The following CAMK4 variants were observed in gnomAD, a reference collection of about 807,000 sequenced individuals.
CAMK4 encodes the protein calcium/calmodulin dependent protein kinase IV.
Under a neutral mutation model 44.9 loss-of-function variants are expected in CAMK4, and 22 were observed. The ratio of observed to expected loss-of-function variants is 0.49; its 90% CI spans 0.35 to 0.70. CAMK4 has a LOEUF of 0.70. CAMK4 is among the 30% of genes least tolerant of loss of function. The probability of loss-of-function intolerance (pLI) is 0.01; values close to 1 mark genes in which losing one functional copy is unlikely to be tolerated. For synonymous variants in CAMK4, 218 were observed against 215.4 expected (o/e 1.01, Z -0.11); for missense variants, 498 against 586.8 (o/e 0.85, Z 1.56).
rs776856329 is a variant in CAMK4, at chr5:111,482,757, C to G, written c.829-28C>G. The G allele has an allele frequency of 6.3e-6, 10 of 1,584,330 alleles. No homozygotes were observed. The South Asian group carries it at 8.1e-5, about 13-fold the overall frequency. ...AGCCCAGGTCATCCTAAAAACCTCG[C>G]TAAGTTTATGGTTCTTTATTATTTC... is the stretch of plus-strand genomic sequence containing the variant. On this transcript the variant is annotated intron_variant, in intron 9 of 10. Coordinates refer to ENST00000282356, the MANE Select transcript of CAMK4 (RefSeq NM_001744.6). The surrounding 1 kb of genome is among the most constrained non-coding windows in gnomAD (Gnocchi z 4.9).
rs181570897 is a variant in CAMK4 at position 111,334,246 on chromosome 5, C to T, written c.162-9778C>T. 1.4e-3 allele frequency among the ~76,000 whole-genome samples: 217 copies of T among 151,678 alleles called. 1 individual carries two copies. Among genetic ancestry groups the T allele is most frequent in the African/African-American group, 4.3e-3 (178 of 41,458 alleles). On this transcript the variant is annotated intron_variant, in intron 1 of 10. Transcript: ENST00000282356. ...AATTCTAAAGGTTAGCCATTCTTCA[C>T]GTTGTAGACTGAAAATGTCAAATCA...
At chr5:111,465,838 T>C (rs562753256) in intron 7 of CAMK4, among the ~76,000 whole-genome samples, 128 of 152,306 alleles carry the variant, frequency 8.4e-4, no homozygotes, top group African/African-American at 2.9e-3. Context: ...GAATCCTCCC[T>C]AAATCATTCT....
At chr5:111,420,780 G>A (rs1041898513) in intron 5 of CAMK4, among the ~76,000 whole-genome samples, 10 of 152,152 alleles carry the variant, frequency 6.6e-5, no homozygotes, top group South Asian at 2.1e-4. Flanking sequence ...GCTCTGTTCC[G>A]CCCAGCTCAC....
chr5:111,479,498 T>C (rs1755358520), intron 9 of CAMK4, among the ~76,000 whole-genome samples: 1 of 152,158 alleles, frequency 6.6e-6, no homozygotes, highest in Admixed American at 6.5e-5. Context: ...AAAAGCTGAC[T>C]TTTGAATCAT....
chr5:111,273,656 C>A (rs558476257), intron 1 of CAMK4, among the ~76,000 whole-genome samples: 1 of 121,608 alleles, frequency 8.2e-6, no homozygotes, highest in East Asian at 2.6e-4. Flanking sequence ...AAATGTTATC[C>A]GTCAGCTTTA....
intron 4 of CAMK4, among the ~76,000 whole-genome samples, chr5:111,393,292 A>G (rs1751876672): frequency 6.6e-6 from 1 of 152,178 alleles, no homozygotes; most frequent in Non-Finnish European, 1.5e-5. Flanking sequence ...CGTATTTGCT[A>G]AAAATTCAAC....
intron 2 of CAMK4, among the ~76,000 whole-genome samples, chr5:111,351,186 T>C (rs761702642): frequency 6.6e-6 from 1 of 152,136 alleles, no homozygotes; most frequent in Non-Finnish European, 1.5e-5. Context: ...CTTTTACATC[T>C]CATGTCAACT....
chr5:111,388,547 T>C (rs1751686438), intron 4 of CAMK4, among the ~76,000 whole-genome samples: 1 of 152,162 alleles, frequency 6.6e-6, no homozygotes, highest in South Asian at 2.1e-4. Flanking sequence ...GAGATATAGC[T>C]ATTTCTGGAA....
At chr5:111,402,175 C>T (rs935921645) in intron 5 of CAMK4, among the ~76,000 whole-genome samples, 7 of 152,230 alleles carry the variant, frequency 4.6e-5, no homozygotes, top group African/African-American at 1.7e-4. Flanking sequence ...ACTCTCTCTC[C>T]CTCATGCCCT....
At chr5:111,364,697 C>T (rs752395692) in intron 2 of CAMK4, among the ~76,000 whole-genome samples, 1 of 152,052 alleles carries the variant, frequency 6.6e-6, no homozygotes, top group Non-Finnish European at 1.5e-5. Flanking sequence ...GCTTCCTCCT[C>T]TATTGGAAAT....
At chr5:111,406,590 A>G (rs1357172669) in intron 5 of CAMK4, among the ~76,000 whole-genome samples, 2 of 152,122 alleles carry the variant, frequency 1.3e-5, no homozygotes, top group African/African-American at 4.8e-5. Flanking sequence ...TAATTAAAGA[A>G]CAATAAAAAT....
chr5:111,293,803 T>C (rs1747375184), intron 1 of CAMK4, among the ~76,000 whole-genome samples: 2 of 136,832 alleles, frequency 1.5e-5, no homozygotes, highest in African/African-American at 5.7e-5. Context: ...CTGGAGTGCA[T>C]TGGCACGATC....
At chr5:111,414,486 T>C (rs1290311205) in intron 5 of CAMK4, among the ~76,000 whole-genome samples, 1 of 152,116 alleles carries the variant, frequency 6.6e-6, no homozygotes, top group Non-Finnish European at 1.5e-5. Context: ...TTCAGTAATA[T>C]CAAAGATACG....
intron 1 of CAMK4, among the ~76,000 whole-genome samples, chr5:111,319,484 C>T (rs527427264): frequency 1.6e-4 from 24 of 152,210 alleles, no homozygotes; most frequent in African/African-American, 5.3e-4. Context: ...TCAGATTTCT[C>T]CAATCTGTAA....
intron 1 of CAMK4, among the ~76,000 whole-genome samples, chr5:111,278,169 T>C (rs1254760635): frequency 6.6e-6 from 1 of 152,362 alleles, no homozygotes; most frequent in African/African-American, 2.4e-5. Context: ...TTCCTTTTGC[T>C]GCCCTCCTAC....
At chr5:111,337,931 T>A (rs1749476472) in intron 1 of CAMK4, among the ~76,000 whole-genome samples, 1 of 151,130 alleles carries the variant, frequency 6.6e-6, no homozygotes. Context: ...CTAGACTGTT[T>A]TAGTTGGGTA....
intron 4 of CAMK4, among the ~76,000 whole-genome samples, chr5:111,383,000 C>A (rs1751474522): frequency 6.6e-6 from 1 of 152,084 alleles, no homozygotes; most frequent in African/African-American, 2.4e-5. Context: ...TTGATTTGGA[C>A]TAGACTTATA....
rs1235935855 is a variant in CAMK4 at position 111,344,024 on chromosome 5, G to A, written c.162G>A (p.Arg54=). 1 of 1,582,616 alleles carries A rather than the reference G, an allele frequency of 6.3e-7. No homozygotes were observed. The highest frequency in any genetic ancestry group is 1.1e-5 in the South Asian group (1 of 89,094). Reference sequence around the variant, plus strand: ...TCTTTTTGTCTTTTTCCCCCTCAAGGGGTGCTACATCCATTGTGTACAGAT... The same window carrying A: ...TCTTTTTGTCTTTTTCCCCCTCAAGAGGTGCTACATCCATTGTGTACAGAT... ...DFFEVESELG[R]GATSIVYRCK... The change falls in exon 2 of 11, where the codon CGG becomes CGA. Residue 54 remains arginine, a splice_region_variant and synonymous_variant. Transcript: ENST00000282356.
chr5:111,263,832 G>A (rs955183238), intron 1 of CAMK4, among the ~76,000 whole-genome samples: 6 of 152,106 alleles, frequency 3.9e-5, no homozygotes, highest in South Asian at 2.1e-4. Context: ...TGATAGCCAC[G>A]TGTCACTATG....
Sources: gnomAD v4.1 joint callset for allele counts (sites outside exome capture counted in the v4.1 genomes callset) on GRCh38, gnomAD v4.1.1 for gene constraint, Gnocchi (gnomAD v3.1) non-coding constraint, MANE v1.5 for transcripts, NCBI Gene and HGNC (gene_info 2026-07-23, HGNC 2026-07-21) for gene names.